Variants in TDRD9 observed in about 807,000 individuals in gnomAD.
TDRD9 encodes the protein ATP-dependent RNA helicase TDRD9.
In TDRD9, 124 loss-of-function variants were observed where a neutral mutation model predicts 172.6. That is an observed-to-expected ratio of 0.72 (90% confidence interval 0.62 to 0.83). The LOEUF (loss-of-function observed/expected upper bound fraction) is 0.83, where lower values mean the gene tolerates loss of function less well. Ranked by LOEUF, TDRD9 falls within the 40% of genes least tolerant of loss-of-function variation. The pLI is 0.00. For missense variants in TDRD9, 1,479 were observed against 1,714.1 expected (o/e 0.86, Z 2.42); for synonymous variants, 619 against 617.1 (o/e 1.00, Z -0.05).
chr14:103,976,289 T>C (rs2033239058), intron 7 of TDRD9, among the ~76,000 whole-genome samples: 1 of 152,092 alleles, frequency 6.6e-6, no homozygotes, highest in African/African-American at 2.4e-5. Flanking sequence ...CTTTTTTTTT[T>C]TCGAGACAGA....
chr14:104,021,538 C>A (rs550067884), intron 23 of TDRD9, among the ~76,000 whole-genome samples: 2 of 152,152 alleles, frequency 1.3e-5, no homozygotes, highest in South Asian at 4.2e-4. Flanking sequence ...ACTAAAAATA[C>A]AAAAATTAGC....
intron 7 of TDRD9, among the ~76,000 whole-genome samples, chr14:103,984,434 C>T (rs545054987): frequency 2.0e-5 from 3 of 152,208 alleles, no homozygotes; most frequent in African/African-American, 4.8e-5. Flanking sequence ...CCAGCCGCTC[C>T]AGTTATGGCT....
intron 20 of TDRD9, among the ~76,000 whole-genome samples, chr14:104,010,004 G>T (rs1221413888): frequency 6.7e-6 from 1 of 148,708 alleles, no homozygotes. Context: ...GGAGTGCAAT[G>T]GCACAGTCTC....
chr14:103,949,349 T>G (rs2031738372), intron 1 of TDRD9, among the ~76,000 whole-genome samples: 1 of 152,214 alleles, frequency 6.6e-6, no homozygotes. Context: ...TAGATGAGAT[T>G]ATATGATGAT....
rs1182628110 is a variant in TDRD9 at position 103,955,745 on chromosome 14, C to T, written c.297C>T (p.Arg99=). 2.6e-6 allele frequency: 4 copies of T among 1,551,250 alleles called. No homozygotes were observed. The highest frequency in any genetic ancestry group is 3.5e-6 in the Non-Finnish European group (4 of 1,146,818). ...AAGCACAAGAGCTTGATGTGTGTCGCAGTGTCCAACCAACCAGTGGGCCAG... is the reference window on the plus strand; with the variant it reads ...AAGCACAAGAGCTTGATGTGTGTCGTAGTGTCCAACCAACCAGTGGGCCAG... ...QLEAQELDVC[R]SVQPTSGPGP... The change falls in exon 2 of 36, where the codon CGC becomes CGT. Residue 99 remains arginine, a synonymous_variant. Coordinates refer to ENST00000409874, the MANE Select transcript of TDRD9 (RefSeq NM_153046.3).
At chr14:103,979,540 G>A (rs2033388241) in intron 7 of TDRD9, among the ~76,000 whole-genome samples, 1 of 152,118 alleles carries the variant, frequency 6.6e-6, no homozygotes, top group East Asian at 1.9e-4. Context: ...ACTCTGGTAG[G>A]AACCAATAAC....
At chr14:104,051,105 A>G (rs929457786) in intron 35 of TDRD9, among the ~76,000 whole-genome samples, 2 of 152,156 alleles carry the variant, frequency 1.3e-5, no homozygotes, top group Non-Finnish European at 2.9e-5. Context: ...GTAGCTTTTC[A>G]ATCCTTGCCT....
chr14:104,049,584 T>C (rs768186489), intron 34 of TDRD9, 24 bp from the exon 35 acceptor site: 1 of 1,515,914 alleles, frequency 6.6e-7, no homozygotes, highest in Non-Finnish European at 8.9e-7. Flanking sequence ...ATAATTAAGA[T>C]AATTTCTTTT....
intron 1 of TDRD9, among the ~76,000 whole-genome samples, chr14:103,934,651 G>C (rs542029577): frequency 6.6e-6 from 1 of 152,154 alleles, no homozygotes; most frequent in Non-Finnish European, 1.5e-5. Context: ...GGTGGTGGGC[G>C]GGCGCCTGTA....
chr14:104,039,812 G>T (rs1018457556), intron 32 of TDRD9, among the ~76,000 whole-genome samples: 8 of 151,902 alleles, frequency 5.3e-5, no homozygotes, highest in Non-Finnish European at 1.2e-4. Flanking sequence ...TGTTTGACAG[G>T]TCATAAATAT....
chr14:103,928,573 A>G lies in TDRD9; in HGVS notation c.64A>G (p.Asn22Asp), dbSNP rs1595883519. ...DWFTIGKTVT[N>D]VELLGAPPAF... Reference sequence around the variant, plus strand: ...GTTCACCATCGGCAAGACGGTGACCAATGTGGAGCTGCTGGGCGCGCCGCC... The same window carrying G: ...GTTCACCATCGGCAAGACGGTGACCGATGTGGAGCTGCTGGGCGCGCCGCC... The change falls in exon 1 of 36, where the codon AAT (asparagine) becomes GAT (aspartate). Residue 22 changes from asparagine to aspartate, a missense_variant. Asn to Asp is a conservative substitution (Grantham distance 23). Coordinates refer to ENST00000409874, the MANE Select transcript of TDRD9 (RefSeq NM_153046.3). 1.5e-6 allele frequency: 2 copies of G among 1,375,180 alleles called. No homozygotes were observed. The highest frequency in any genetic ancestry group is 3.1e-5 in the African/African-American group (2 of 65,494). 85.2% of individuals were successfully genotyped at this position (1,375,180 alleles called of 1,614,324 possible). A position where few individuals can be genotyped will look rare whatever the true frequency, so the allele number is the denominator to read the frequency against.
intron 1 of TDRD9, among the ~76,000 whole-genome samples, chr14:103,937,001 A>T (rs2030810234): frequency 1.3e-5 from 2 of 152,192 alleles, no homozygotes; most frequent in African/African-American, 4.8e-5. Context: ...CTGACTCAGA[A>T]GGATCATTTG....
At chr14:103,952,638 A>G (rs1043523391) in intron 1 of TDRD9, among the ~76,000 whole-genome samples, 5 of 151,554 alleles carry the variant, frequency 3.3e-5, no homozygotes, top group Admixed American at 3.3e-4. Flanking sequence ...CAGTATTTTA[A>G]TTAAAATACT....
At chr14:104,049,399 A>C (rs1007572771) in intron 34 of TDRD9, 3 of 386,912 alleles carry the variant, frequency 7.8e-6, no homozygotes, top group Non-Finnish European at 1.4e-5. Flanking sequence ...GGTCTTACAG[A>C]TCTGTCACAC....
Position 103,928,456 on chromosome 14 carries a change from G to A in TDRD9, c.-54G>A. The stretch of plus-strand genomic sequence containing the variant: ...CCAGGGTGCGCTTCCGCCGTCGCCT[G>A]TTCCCGCCGCGGAGACCCGGCAGTT... On this transcript the variant is annotated 5_prime_UTR_variant, in exon 1 of 36. Transcript: ENST00000409874. 7.1e-7 allele frequency: 1 copy of A among 1,407,058 alleles called. No individual in the cohort carries two copies. The highest frequency in any genetic ancestry group is 2.9e-5 in the Admixed American group (1 of 34,550). The allele number at this position is 1,407,058 out of a possible 1,614,324, so 87.2% of individuals were successfully genotyped here.
At chr14:103,963,364 C>T (rs570156724) in intron 3 of TDRD9, among the ~76,000 whole-genome samples, 188 bp downstream of exon 3, 4 of 152,304 alleles carry the variant, frequency 2.6e-5, no homozygotes, top group African/African-American at 4.8e-5. Context: ...GTAACCATAT[C>T]GATGGCTTTT....
rs773406232 is a variant in TDRD9 at position 104,026,754 on chromosome 14, G to A, written c.3097G>A (p.Ala1033Thr). ...TTGTGGCAAGCACTGGAGTGACGGG[G>A]CCAGCCAGTGGTTCGCCTCTCTGGT... ...LVCGKHWSDG[A>T]SQWFASLVSG... is the part of the protein sequence containing the mutation. Residue 1033 changes from alanine (A) to threonine (T), a missense_variant, in exon 28 of 36, where the codon GCC becomes ACC. By Grantham distance (58) the Ala-to-Thr change is moderately conservative (BLOSUM62 0). Transcript: ENST00000409874. 1 of 1,613,784 alleles carries A rather than the reference G, an allele frequency of 6.2e-7. No individual in the cohort carries two copies.
chr14:104,010,279 CAG>C (rs1397628379), intron 20 of TDRD9, among the ~76,000 whole-genome samples: 1 of 151,956 alleles, frequency 6.6e-6, no homozygotes, highest in East Asian at 1.9e-4. Context: ...TTTGTAGAGA[CAG>C]GGTGTCACTT....
At position 104,052,213 on chromosome 14, in the gene TDRD9, T is replaced by C. The variant is rs1014781357; in HGVS notation, c.*131T>C. 9.0e-6 allele frequency: 5 copies of C among 555,472 alleles called. No individual in the cohort carries two copies. The highest frequency in any genetic ancestry group is 1.6e-5 in the Non-Finnish European group (5 of 314,634). The allele number at this position is 555,472 out of a possible 1,614,324, so 34.4% of individuals were successfully genotyped here. A position where few individuals can be genotyped will look rare whatever the true frequency, so the allele number is the denominator to read the frequency against. On this transcript the variant is annotated 3_prime_UTR_variant, in exon 36 of 36. Transcript: ENST00000409874. ...TGTGCCCACTGCATCCTAAAGGCCT[T>C]TTCTTTCTTCTTTTCTCTTTGGGTG... is the stretch of plus-strand genomic sequence containing the variant.
Sources: gnomAD v4.1 joint callset for allele counts (sites outside exome capture counted in the v4.1 genomes callset) on GRCh38, gnomAD v4.1.1 for gene constraint, MANE v1.5 for transcripts, NCBI Gene and HGNC (gene_info 2026-07-23, HGNC 2026-07-21) for gene names.